CYP4F8: variants seen among roughly 807,000 people sequenced by gnomAD.
The protein encoded by CYP4F8 is cytochrome P450 4F8.
Under a neutral mutation model 55.0 loss-of-function variants are expected in CYP4F8, and 56 were observed. That is an observed-to-expected ratio of 1.02 (90% CI 0.82 to 1.27). The LOEUF (loss-of-function observed/expected upper bound fraction) is 1.27, where lower values mean the gene tolerates loss of function less well. Among genes scored for constraint, CYP4F8 ranks in the 50% most tolerant of loss-of-function variants. The pLI, the probability that CYP4F8 is intolerant of heterozygous loss-of-function variation, is 0.00. For missense variants in CYP4F8, 680 were observed against 682.4 expected, an observed-to-expected ratio of 1.00 and a Z score of 0.04; for synonymous variants, 288 against 267.3, an observed-to-expected ratio of 1.08 and a Z score of -0.76.
At position 15,629,315 on chromosome 19, in the gene CYP4F8, G is replaced by A. The variant is rs372800523; in HGVS notation, c.1520G>A (p.Arg507His). The A allele has an allele frequency of 1.2e-6, 2 of 1,612,794 alleles. No homozygotes were observed. The highest frequency in any genetic ancestry group is 1.3e-5 in the African/African-American group (1 of 74,904). ...CGCAGGACGCCGGAGATTGTTTTGC[G>A]TGCGGAGGACGGACTTTGGCTGCGA... ...EPRRTPEIVL[R>H]AEDGLWLRVE... Residue 507 changes from arginine to histidine, a missense_variant, in exon 13 of 13, where the codon CGT becomes CAT. Transcript: ENST00000612078.
rs779744012 is a variant in CYP4F8 at position 15,624,071 on chromosome 19, C to A, written c.1092C>A (p.Asp364Glu). ...AGGAGGTGCAAGAGCTTCTGAAGGA[C>A]CGTGAGCCTAAAGAGATTGAATGGT... is the stretch of plus-strand genomic sequence containing the variant. ...CRQEVQELLK[D>E]REPKEIEWDD... Residue 364 changes from aspartate (D) to glutamate (E), a missense_variant, in exon 9 of 13, where the codon GAC (aspartate) becomes GAA (glutamate). Coordinates refer to ENST00000612078, the MANE Select transcript of CYP4F8 (RefSeq NM_007253.4). 6.2e-7 allele frequency: 1 copy of A among 1,614,100 alleles called. No individual in the cohort carries two copies. The highest frequency in any genetic ancestry group is 2.2e-5 in the East Asian group (1 of 44,870).
intron 9 of CYP4F8, among the ~76,000 whole-genome samples, chr19:15,624,544 C>T (rs1972238630): frequency 1.3e-5 from 2 of 152,102 alleles, no homozygotes; most frequent in African/African-American, 2.4e-5. Context: ...TGTTGAATAT[C>T]GGTGTACGAT....
At chr19:15,629,107 G>T in intron 12 of CYP4F8, 86 bp from the exon 13 acceptor site, 1 of 1,486,654 alleles carries the variant, frequency 6.7e-7, no homozygotes, top group Non-Finnish European at 9.0e-7. Context: ...TCTGGGTGGG[G>T]TTGGGGGTTC....
rs1568386353 is a variant in CYP4F8, at chr19:15,630,145, G to C, written c.*787G>C. The C allele has an allele frequency of 6.6e-6, 1 of 152,142 alleles. No homozygotes were observed. Among genetic ancestry groups the C allele is most frequent in the Non-Finnish European group, 1.5e-5 (1 of 68,076 alleles). The allele number at this position is 152,142 out of a possible 1,614,324, so 9.4% of individuals were successfully genotyped here. A position where few individuals can be genotyped will look rare whatever the true frequency, so the allele number is the denominator to read the frequency against. ...GCCTCCCAAAGTGCCAGAATTGCAG[G>C]TGTGAGAATAAAAATTCTTGAGTTT... On this transcript the variant is annotated 3_prime_UTR_variant, in exon 13 of 13. Coordinates refer to ENST00000612078, the MANE Select transcript of CYP4F8 (RefSeq NM_007253.4).
Position 15,623,829 on chromosome 19 carries a change from G to A in CYP4F8, c.985+64G>A, listed in dbSNP as rs552286799. 1.4e-4 allele frequency: 218 copies of A among 1,605,210 alleles called. 1 individual carries two copies. The highest frequency in any genetic ancestry group is 1.2e-3 in the Admixed American group (72 of 59,488). On this transcript the variant is annotated intron_variant, in intron 8 of 12. Transcript: ENST00000612078. ...TCTCTCCACTCCAGGGAAGTGGAGG[G>A]CCGGCCCTGAATCACTTCATTCTGC...
intron 6 of CYP4F8, 47 bp downstream of exon 6, chr19:15,622,387 TG>T: frequency 1.3e-6 from 1 of 792,812 alleles, no homozygotes; most frequent in Non-Finnish European, 1.9e-6. Context: ...AGTGGGGGTG[TG>T]GGTGTGGGGA....
Position 15,623,104 on chromosome 19 carries a change from GGAAGCCCAGT to G in CYP4F8, c.651_660del (p.Lys217AsnfsTer13), listed in dbSNP as rs1292096835. 5 of 1,612,212 alleles carry G rather than the reference GGAAGCCCAGT, an allele frequency of 3.1e-6. No homozygotes were observed. Among genetic ancestry groups the G allele is most frequent in the Non-Finnish European group, 4.2e-6 (5 of 1,178,654 alleles). ...TTCCTCTCTCTGGACTGGCCCTGCAGGAAGCCCAGTGAATATATTACTGCGATCATGGAGC... is the reference window on the plus strand; with the variant it reads ...TTCCTCTCTCTGGACTGGCCCTGCAGGAATATATTACTGCGATCATGGAGC... On this transcript the variant is annotated frameshift_variant and splice_region_variant, in exon 7 of 13. Transcript: ENST00000612078. LOFTEE classifies it high-confidence loss of function.
Position 15,628,435 on chromosome 19 carries a change from G to C in CYP4F8, c.1249G>C (p.Gly417Arg). ...VLPDSRVIPK[G>R]NVCNINIFAI... Reference sequence around the variant, plus strand: ...CCCAGACAGCCGAGTCATCCCCAAAGGTGCCCTCCATGGCAGGGGAGGAGG... The same window carrying C: ...CCCAGACAGCCGAGTCATCCCCAAACGTGCCCTCCATGGCAGGGGAGGAGG... Residue 417 changes from glycine (G) to arginine (R), a missense_variant and splice_region_variant, in exon 10 of 13, where the codon GGG becomes CGG. Gly to Arg is a moderately radical substitution (Grantham distance 125). Coordinates refer to ENST00000612078, the MANE Select transcript of CYP4F8 (RefSeq NM_007253.4). 6.2e-7 allele frequency: 1 copy of C among 1,614,024 alleles called. No individual in the cohort carries two copies. Among genetic ancestry groups the C allele is most frequent in the Non-Finnish European group, 8.5e-7 (1 of 1,179,968 alleles).
At chr19:15,620,364 G>A (rs1972178015) in intron 5 of CYP4F8, among the ~76,000 whole-genome samples, 1 of 152,150 alleles carries the variant, frequency 6.6e-6, no homozygotes, top group South Asian at 2.1e-4. Flanking sequence ...TTCCAAGGCA[G>A]TGAGAGGAGG....
chr19:15,615,653 C>T lies in CYP4F8; in HGVS notation c.37C>T (p.Pro13Ser). 2.0e-5 allele frequency: 32 copies of T among 1,613,898 alleles called. No homozygotes were observed. Among genetic ancestry groups the T allele is most frequent in the Non-Finnish European group, 2.7e-5 (32 of 1,179,908 alleles). ...LLSLSWLGLR[P>S]VAASPWLLLL... ...GAGCCTGTCTTGGCTGGGCCTCAGG[C>T]CGGTGGCAGCATCCCCGTGGCTGCT... is the stretch of plus-strand genomic sequence containing the variant. Residue 13 changes from proline to serine, a missense_variant, in exon 2 of 13, where the codon CCG becomes TCG. Physicochemically the swap from Pro to Ser is moderately conservative, Grantham distance 74. Coordinates refer to ENST00000612078, the MANE Select transcript of CYP4F8 (RefSeq NM_007253.4).
intron 3 of CYP4F8, 148 bp from the exon 4 acceptor site, chr19:15,619,342 C>G: frequency 1.2e-6 from 1 of 856,722 alleles, no homozygotes; most frequent in Non-Finnish European, 1.8e-6. Flanking sequence ...GCCCCCCACC[C>G]TCCTTTCTTC....
chr19:15,617,368 G>A (rs1167479538), intron 2 of CYP4F8, among the ~76,000 whole-genome samples: 2 of 152,170 alleles, frequency 1.3e-5, no homozygotes, highest in Non-Finnish European at 2.9e-5. Context: ...TGGACATGCT[G>A]TTCATTGCAG....
At chr19:15,617,253 GT>G (rs1365959227) in intron 2 of CYP4F8, among the ~76,000 whole-genome samples, 1 of 152,156 alleles carries the variant, frequency 6.6e-6, no homozygotes. Flanking sequence ...TGAACAGACA[GT>G]TTGTCTTCCC....
rs914178596 is a variant in CYP4F8, at chr19:15,623,967, C to T, written c.988C>T (p.His330Tyr). Residue 330 changes from histidine to tyrosine, a missense_variant and splice_region_variant, in exon 9 of 13, where the codon CAT becomes TAT. Coordinates refer to ENST00000612078, the MANE Select transcript of CYP4F8 (RefSeq NM_007253.4). ...AAGCCTGCCTGGCTGACCCTCAGGCCATGACACCACGGCCAGTGGCCTCTC... is the reference window on the plus strand; with the variant it reads ...AAGCCTGCCTGGCTGACCCTCAGGCTATGACACCACGGCCAGTGGCCTCTC... Reference protein sequence around the residue: ...AEADTFMFGGHDTTASGLSWV... With the variant: ...AEADTFMFGGYDTTASGLSWV... 6.2e-7 allele frequency: 1 copy of T among 1,614,028 alleles called. No homozygotes were observed. The highest frequency in any genetic ancestry group is 1.3e-5 in the African/African-American group (1 of 74,938).
Position 15,629,615 on chromosome 19 carries a change from A to T in CYP4F8, c.*257A>T, listed in dbSNP as rs1972311011. On this transcript the variant is annotated 3_prime_UTR_variant, in exon 13 of 13. Transcript: ENST00000612078. Reference sequence around the variant, plus strand: ...TGAGGGTGGGATCTCCCAGAGTCTAAGTAAAGACTTTTTCCCCCCCAAAAT... The same window carrying T: ...TGAGGGTGGGATCTCCCAGAGTCTATGTAAAGACTTTTTCCCCCCCAAAAT... 2.4e-6 allele frequency: 1 copy of T among 425,502 alleles called. No homozygotes were observed. The highest frequency in any genetic ancestry group is 4.1e-6 in the Non-Finnish European group (1 of 244,262). The allele number at this position is 425,502 out of a possible 1,614,324, so 26.4% of individuals were successfully genotyped here. A position where few individuals can be genotyped will look rare whatever the true frequency, so the allele number is the denominator to read the frequency against.
chr19:15,622,074 C>A (rs896285873), intron 5 of CYP4F8, 145 bp from the exon 6 acceptor site: 3 of 1,107,548 alleles, frequency 2.7e-6, no homozygotes, highest in Non-Finnish European at 2.5e-6. Flanking sequence ...CCACTCTCAC[C>A]CAAGCGTAGT....
At chr19:15,620,297 A>G (rs1177194768) in intron 5 of CYP4F8, among the ~76,000 whole-genome samples, 1 of 152,182 alleles carries the variant, frequency 6.6e-6, no homozygotes, top group African/African-American at 2.4e-5. Flanking sequence ...ACTTTTCTCC[A>G]TGTGATTCTC....
At chr19:15,622,947 C>G (rs1239382367) in intron 6 of CYP4F8, 158 bp from the exon 7 acceptor site, 2 of 823,866 alleles carry the variant, frequency 2.4e-6, no homozygotes, top group African/African-American at 3.5e-5. Context: ...GGACCTGGGG[C>G]AGGAGGCAGC....
Position 15,629,327 on chromosome 19 carries a change from G to T in CYP4F8, c.1532G>T (p.Gly511Val). 1 of 1,612,284 alleles carries T rather than the reference G, an allele frequency of 6.2e-7. No homozygotes were observed. The highest frequency in any genetic ancestry group is 8.5e-7 in the Non-Finnish European group (1 of 1,179,112). ...GAGATTGTTTTGCGTGCGGAGGACG[G>T]ACTTTGGCTGCGAGTAGAACCCCTG... is the stretch of plus-strand genomic sequence containing the variant. ...TPEIVLRAED[G>V]LWLRVEPLG Residue 511 changes from glycine (G) to valine (V), a missense_variant, in exon 13 of 13, where the codon GGA becomes GTA. Transcript: ENST00000612078.
Sources: allele counts gnomAD v4.1 joint callset (sites outside exome capture counted in the v4.1 genomes callset), GRCh38; gene constraint gnomAD v4.1.1; transcripts MANE v1.5; gene names NCBI Gene and HGNC (gene_info 2026-07-23, HGNC 2026-07-21).